The following MYO1H variants were observed in gnomAD, a reference collection of about 807,000 sequenced individuals.
MYO1H encodes myosin IH.
A neutral mutation model predicts 149.3 loss-of-function variants in MYO1H; 118 were observed. That is an observed-to-expected ratio of 0.79 (90% CI 0.68 to 0.92). The LOEUF is 0.92. Among genes scored for constraint, MYO1H ranks in the 40% least tolerant of loss-of-function variants. MYO1H has a pLI of 0.00. For missense variants in MYO1H, 1,212 were observed against 1,280.7 expected (o/e 0.95, Z 0.82); for synonymous variants, 447 against 465.2 (o/e 0.96, Z 0.50).
intron 30 of MYO1H, among the ~76,000 whole-genome samples, chr12:109,445,237 T>G (rs1209468816): frequency 6.6e-6 from 1 of 152,220 alleles, no homozygotes; most frequent in Non-Finnish European, 1.5e-5. Flanking sequence ...CCCTCAGAGT[T>G]TCAGTGTGAT....
chr12:109,424,164 C>CT (rs1227247663), intron 16 of MYO1H, among the ~76,000 whole-genome samples: 2 of 151,924 alleles, frequency 1.3e-5, no homozygotes, highest in Non-Finnish European at 2.9e-5. Context: ...GGAGATCATT[C>CT]TTTTTTTTCT....
At chr12:109,389,576 C>T (rs183967108) in intron 2 of MYO1H, among the ~76,000 whole-genome samples, 1 of 151,604 alleles carries the variant, frequency 6.6e-6, no homozygotes, top group East Asian at 1.9e-4. Context: ...GCAGCACTTA[C>T]CAAACTCTTC....
At chr12:109,352,210 G>A (rs1592776711) in intron 1 of MYO1H, among the ~76,000 whole-genome samples, 1 of 152,164 alleles carries the variant, frequency 6.6e-6, no homozygotes, top group South Asian at 2.1e-4. Context: ...AATGATAAAT[G>A]ACCATTGTAG....
At chr12:109,400,643 A>G (rs1475591058) in intron 5 of MYO1H, among the ~76,000 whole-genome samples, 3 of 152,224 alleles carry the variant, frequency 2.0e-5, no homozygotes. Context: ...AAAGAAGACA[A>G]TGGATCAGAA....
chr12:109,331,842 G>T, the MYO1H span, among the ~76,000 whole-genome samples: 5 of 152,172 alleles, frequency 3.3e-5, no homozygotes, highest in East Asian at 9.6e-4. Flanking sequence ...TTTGCATTTA[G>T]TGCAATTCTG....
chr12:109,390,166 T>A (rs1213781624), intron 2 of MYO1H, among the ~76,000 whole-genome samples: 1 of 152,078 alleles, frequency 6.6e-6, no homozygotes, highest in Non-Finnish European at 1.5e-5. Context: ...TCTGTTTGAT[T>A]TTTGTCCTGG....
the MYO1H span, among the ~76,000 whole-genome samples, chr12:109,327,565 G>A: frequency 1.3e-5 from 2 of 151,660 alleles, no homozygotes; most frequent in African/African-American, 2.4e-5. Context: ...GGCTAACACG[G>A]CAAAACCCTG....
rs117413942 is a variant in MYO1H at position 109,419,565 on chromosome 12, T to A, written c.1598-1416T>A. Among the ~76,000 whole-genome samples, 299 of 152,256 alleles carry A rather than the reference T, an allele frequency of 2.0e-3. 9 individuals carry two copies. In the East Asian group the frequency reaches 0.048, roughly 25 times the overall value. Reference sequence around the variant, plus strand: ...TAAAATTTTTATTTAATCATTTTTCTGGAAACAGGGTTTCACTTTGTTGCC... The same window carrying A: ...TAAAATTTTTATTTAATCATTTTTCAGGAAACAGGGTTTCACTTTGTTGCC... On this transcript the variant is annotated intron_variant, in intron 15 of 31. Coordinates refer to ENST00000310903, the Ensembl canonical transcript of MYO1H.
At chr12:109,323,380 G>A in the MYO1H span, among the ~76,000 whole-genome samples, 1 of 152,236 alleles carries the variant, frequency 6.6e-6, no homozygotes, top group Admixed American at 6.5e-5. Context: ...AATAGCAAGT[G>A]TCATGGGCAC....
intron 18 of MYO1H, among the ~76,000 whole-genome samples, chr12:109,426,320 C>T (rs967507704): frequency 6.6e-6 from 1 of 152,094 alleles, no homozygotes; most frequent in Non-Finnish European, 1.5e-5. Flanking sequence ...CCCGTCTCTA[C>T]AAAAAATGCG....
chr12:109,421,040 C>G lies in MYO1H; in HGVS notation c.1644+13C>G. The G allele has an allele frequency of 6.6e-7, 1 of 1,519,500 alleles. No homozygotes were observed. Among genetic ancestry groups the G allele is most frequent in the Non-Finnish European group, 9.1e-7 (1 of 1,099,582 alleles). 94.1% of individuals were successfully genotyped at this position (1,519,500 alleles called of 1,614,324 possible). ...ACATCTGAAAGAAGTAAGTCTGACA[C>G]TTAACTGTATGTGTTTCTGATTATT... On this transcript the variant is annotated intron_variant, in intron 16 of 31. Transcript: ENST00000310903.
In MYO1H at chr12:109,439,041, C is replaced by T. The variant is rs140264098; in HGVS notation, c.2294+421C>T. On this transcript the variant is annotated intron_variant, in intron 23 of 31. Coordinates refer to ENST00000310903, the Ensembl canonical transcript of MYO1H. ...CCAGATGGCTTGAATTTTCAAGGAA[C>T]GCTGAAATCTGGCTTTTGGGGTTTT... Among the ~76,000 whole-genome samples the T allele has an allele frequency of 1.5e-3, 219 of 149,632 alleles. 1 individual carries two copies. The highest frequency in any genetic ancestry group is 5.2e-3 in the African/African-American group (209 of 40,522).
At chr12:109,358,684 A>G (rs990906660) in intron 1 of MYO1H, among the ~76,000 whole-genome samples, 3 of 152,098 alleles carry the variant, frequency 2.0e-5, no homozygotes, top group African/African-American at 7.2e-5. Flanking sequence ...AAGCATCACG[A>G]GATAGTGTGT....
intron 14 of MYO1H, among the ~76,000 whole-genome samples, chr12:109,414,436 C>G (rs1448390622): frequency 7.1e-6 from 1 of 141,752 alleles, no homozygotes; most frequent in Non-Finnish European, 1.5e-5. Flanking sequence ...GAGATCACAC[C>G]ACTGCACTCC....
At chr12:109,437,580 T>C (rs993448345) in intron 22 of MYO1H, among the ~76,000 whole-genome samples, 1 of 152,150 alleles carries the variant, frequency 6.6e-6, no homozygotes, top group Admixed American at 6.5e-5. Context: ...TTAGATAATA[T>C]GTAAATGAAT....
chr12:109,373,869 C>G (rs1404345896), intron 1 of MYO1H, among the ~76,000 whole-genome samples: 1 of 152,170 alleles, frequency 6.6e-6, no homozygotes, highest in Non-Finnish European at 1.5e-5. Context: ...TACCTGTAAT[C>G]CCAGCTACTC....
At chr12:109,369,347 T>G (rs1868934976) in intron 1 of MYO1H, among the ~76,000 whole-genome samples, 1 of 152,112 alleles carries the variant, frequency 6.6e-6, no homozygotes, top group Non-Finnish European at 1.5e-5. Context: ...AAAAGCAAAA[T>G]ACAGCATGCT....
At position 109,394,598 on chromosome 12, in the gene MYO1H, CAA is replaced by C. The variant is rs10707269; in HGVS notation, c.290+1163_290+1164del. ...ATTTAACATTCAAAACAATGACTAC[CAA>C]AAAAAAAAAAGGAAACTTGAGCAAT... On this transcript the variant is annotated intron_variant, in intron 3 of 31. Transcript: ENST00000310903. 5.1e-3 allele frequency among the ~76,000 whole-genome samples: 727 copies of C among 143,876 alleles called. 6 individuals carry two copies. The highest frequency in any genetic ancestry group is 0.017 in the African/African-American group (689 of 39,968). 94.4% of individuals were successfully genotyped at this position (143,876 alleles called of 152,430 possible).
chr12:109,398,083 TG>T (rs1269018703), intron 5 of MYO1H, among the ~76,000 whole-genome samples: 1 of 152,198 alleles, frequency 6.6e-6, no homozygotes, highest in Non-Finnish European at 1.5e-5. Flanking sequence ...ACATTGCTGG[TG>T]GGGTGTAAAA....
Sources: allele counts gnomAD v4.1 joint callset (sites outside exome capture counted in the v4.1 genomes callset), GRCh38; gene constraint gnomAD v4.1.1; transcripts MANE v1.5; gene names NCBI Gene and HGNC (gene_info 2026-07-23, HGNC 2026-07-21).